The following SIL1 variants were observed in gnomAD, a reference collection of about 807,000 sequenced individuals.
SIL1 encodes nucleotide exchange factor SIL1.
A neutral mutation model predicts 49.1 loss-of-function variants in SIL1; 40 were observed. That is an observed-to-expected ratio of 0.81 (90% CI 0.63 to 1.06). The LOEUF is 1.06. Ranked by LOEUF, SIL1 falls within the 50% of genes least tolerant of loss-of-function variation. The pLI is 0.00. For synonymous variants in SIL1, 253 were observed against 250.8 expected, an observed-to-expected ratio of 1.01 and a Z score of -0.08; for missense variants, 500 against 572.6, an observed-to-expected ratio of 0.87 and a Z score of 1.29.
At chr5:139,025,372 C>G (rs1047621759) in intron 6 of SIL1, among the ~76,000 whole-genome samples, 5 of 152,272 alleles carry the variant, frequency 3.3e-5, no homozygotes, top group Middle Eastern at 3.4e-3. Flanking sequence ...TGAGCAATTA[C>G]ATAATCTCTC....
At chr5:139,124,910 C>T (rs898336782) in intron 2 of SIL1, among the ~76,000 whole-genome samples, 2 of 152,316 alleles carry the variant, frequency 1.3e-5, no homozygotes. Flanking sequence ...AAGTCCAGAC[C>T]TGCCTGGCTC....
At chr5:138,996,919 T>C (rs1210426327) in intron 7 of SIL1, among the ~76,000 whole-genome samples, 1 of 152,182 alleles carries the variant, frequency 6.6e-6, no homozygotes, top group Non-Finnish European at 1.5e-5. Context: ...CCCAGAACAA[T>C]GTCCTGGAGC....
chr5:138,978,019 TC>T (rs1285664144), intron 7 of SIL1, among the ~76,000 whole-genome samples: 1 of 152,208 alleles, frequency 6.6e-6, no homozygotes. Context: ...CCTTATATCA[TC>T]CTATTTTATT....
At chr5:139,127,917 G>A in intron 1 of SIL1, 64 bp from the exon 2 acceptor site, 1 of 1,015,604 alleles carries the variant, frequency 9.8e-7, no homozygotes, top group South Asian at 1.4e-5. Flanking sequence ...CCCCCGCACT[G>A]TGATTCCCAT....
chr5:139,157,496 G>C (rs1005737902), intron 1 of SIL1, among the ~76,000 whole-genome samples: 13 of 152,208 alleles, frequency 8.5e-5, no homozygotes, highest in African/African-American at 3.1e-4. Context: ...CAGGATGAGT[G>C]TTGGTGTGAG....
chr5:139,029,607 TC>T (rs1361571686), intron 5 of SIL1, among the ~76,000 whole-genome samples: 1 of 151,608 alleles, frequency 6.6e-6, no homozygotes, highest in Non-Finnish European at 1.5e-5. Context: ...ACTCAAGTGA[TC>T]CTTCCACCCC....
In SIL1 at chr5:139,042,829, T is replaced by C. The variant is rs147126050; in HGVS notation, c.354-110A>G. 7.9e-4 allele frequency: 770 copies of C among 976,732 alleles called. 3 individuals carry two copies. Among genetic ancestry groups the C allele is most frequent in the African/African-American group, 7.6e-3 (471 of 62,368 alleles). The allele number at this position is 976,732 out of a possible 1,614,324, so 60.5% of individuals were successfully genotyped here. ...AAGATGGAAGGATACCAAGATCCCA[T>C]CTCTACAAAAAATTTAAAAATATTA... On this transcript the variant is annotated intron_variant, in intron 4 of 9. Coordinates refer to ENST00000394817, the MANE Select transcript of SIL1 (RefSeq NM_022464.5).
intron 8 of SIL1, 112 bp from the exon 9 acceptor site, chr5:138,951,447 C>A: frequency 1.8e-6 from 2 of 1,129,104 alleles, no homozygotes; most frequent in Non-Finnish European, 1.3e-6. Flanking sequence ...CTCCCGGCCC[C>A]ACCTCAGTTA....
chr5:138,994,720 G>A (rs553140345), intron 7 of SIL1, among the ~76,000 whole-genome samples: 4 of 152,068 alleles, frequency 2.6e-5, no homozygotes, highest in South Asian at 2.1e-4. Flanking sequence ...TTTAATTTCC[G>A]GGACACACGT....
chr5:138,962,672 T>C (rs1767046106), intron 7 of SIL1, among the ~76,000 whole-genome samples: 1 of 152,242 alleles, frequency 6.6e-6, no homozygotes, highest in South Asian at 2.1e-4. Flanking sequence ...TTTTCAGGCT[T>C]CTCAGAAGGG....
intron 3 of SIL1, among the ~76,000 whole-genome samples, chr5:139,059,241 G>A (rs1018128271): frequency 6.6e-6 from 1 of 152,072 alleles, no homozygotes; most frequent in Non-Finnish European, 1.5e-5. Flanking sequence ...TTCCTGTGCT[G>A]TTCCTGTGAT....
intron 1 of SIL1, among the ~76,000 whole-genome samples, chr5:139,138,017 T>C (rs1161777719): frequency 6.6e-6 from 1 of 151,910 alleles, no homozygotes; most frequent in Non-Finnish European, 1.5e-5. Flanking sequence ...TTGACTCAGA[T>C]TGCAGCCAGG....
In SIL1 at chr5:139,018,453, G is replaced by A. The variant is rs1235082505; in HGVS notation, c.767+2718C>T. ...AAAATTATAAAAATTAGCCAGATGT[G>A]GTGCCGCGTACCTGTAGTCCCAGCT... On this transcript the variant is annotated intron_variant, in intron 7 of 9. Coordinates refer to ENST00000394817, the MANE Select transcript of SIL1 (RefSeq NM_022464.5). Among the ~76,000 whole-genome samples the A allele has an allele frequency of 2.0e-5, 3 of 151,944 alleles. No homozygotes were observed. The East Asian group carries it at 5.8e-4, about 29-fold the overall frequency.
chr5:139,073,294 T>C (rs149705253), intron 3 of SIL1, among the ~76,000 whole-genome samples: 44 of 152,334 alleles, frequency 2.9e-4, no homozygotes, highest in Non-Finnish European at 5.4e-4. Flanking sequence ...AGACATGGAA[T>C]CATCCTCAAT....
chr5:139,143,144 G>C (rs555650330), intron 1 of SIL1, among the ~76,000 whole-genome samples: 2 of 151,428 alleles, frequency 1.3e-5, no homozygotes, highest in Non-Finnish European at 2.9e-5. Context: ...AGAATAAAAG[G>C]CATCCATATT....
intron 1 of SIL1, among the ~76,000 whole-genome samples, chr5:139,138,579 C>T (rs1042395604): frequency 1.3e-5 from 2 of 152,180 alleles, no homozygotes; most frequent in Non-Finnish European, 2.9e-5. Context: ...CCAAGTCTCC[C>T]CTACTAGCTG....
At chr5:138,994,528 ATAAAT>A (rs1380854346) in intron 7 of SIL1, among the ~76,000 whole-genome samples, 1 of 152,230 alleles carries the variant, frequency 6.6e-6, no homozygotes, top group African/African-American at 2.4e-5. Context: ...GTTAATTCTC[ATAAAT>A]TAATCTATAC....
chr5:139,113,512 T>C (rs1770923894), intron 3 of SIL1, among the ~76,000 whole-genome samples: 1 of 151,916 alleles, frequency 6.6e-6, no homozygotes, highest in African/African-American at 2.4e-5. Context: ...TTCAGGTCTC[T>C]GTTCATATTA....
intron 1 of SIL1, among the ~76,000 whole-genome samples, chr5:139,147,289 A>G (rs953492364): frequency 1.3e-5 from 2 of 152,120 alleles, no homozygotes; most frequent in African/African-American, 4.8e-5. Context: ...GCAGATCTGT[A>G]AGCTGAACCC....
Sources: gnomAD v4.1 joint callset for allele counts (sites outside exome capture counted in the v4.1 genomes callset) on GRCh38, gnomAD v4.1.1 for gene constraint, MANE v1.5 for transcripts, NCBI Gene and HGNC (gene_info 2026-07-23, HGNC 2026-07-21) for gene names.